Variants in NUP133 observed in about 807,000 individuals in gnomAD.
NUP133 encodes nucleoporin 133.
In NUP133, 66 loss-of-function variants were observed where a neutral mutation model predicts 146.2. The observed-to-expected ratio is 0.45, with a 90% CI of 0.37 to 0.55. NUP133 has a LOEUF of 0.55. Among genes scored for constraint, NUP133 ranks in the 20% least tolerant of loss-of-function variants. NUP133 has a pLI of 0.00. For missense variants in NUP133, 1,277 were observed against 1,374.8 expected, an observed-to-expected ratio of 0.93 and a Z score of 1.12; for synonymous variants, 521 against 498.8, an observed-to-expected ratio of 1.04 and a Z score of -0.59.
chr1:229,482,878 A>AG (rs1661251772), intron 12 of NUP133, among the ~76,000 whole-genome samples: 1 of 152,214 alleles, frequency 6.6e-6, no homozygotes, highest in Non-Finnish European at 1.5e-5. Flanking sequence ...ACATCACAGG[A>AG]ATAGAGAGCG....
intron 2 of NUP133, among the ~76,000 whole-genome samples, chr1:229,504,291 A>T (rs1661880138): frequency 1.3e-5 from 2 of 152,206 alleles, no homozygotes. Context: ...TTCTTTTTTT[A>T]AATGCTGGTC....
At chr1:229,487,214 T>G (rs1432021283) in intron 10 of NUP133, among the ~76,000 whole-genome samples, 1 of 152,158 alleles carries the variant, frequency 6.6e-6, no homozygotes, top group Non-Finnish European at 1.5e-5. Flanking sequence ...TTGGCAATAG[T>G]TTTTTGCTTC....
At position 229,472,729 on chromosome 1, in the gene NUP133, T is replaced by TATATATATATATATATATATATAC. The variant is rs1558097685; in HGVS notation, c.1852-1926_1852-1925insGTATATATATATATATATATATAT. 5.1e-4 allele frequency among the ~76,000 whole-genome samples: 75 copies of TATATATATATATATATATATATAC among 147,858 alleles called. 2 individuals carry two copies. The highest frequency in any genetic ancestry group is 3.6e-3 in the Middle Eastern group (1 of 278). ...ATACATATATATATATATATATATG[T>TATATATATATATATATATATATAC]ACAATCATTCTAGTCACACAGTGAA... is the stretch of plus-strand genomic sequence containing the variant. On this transcript the variant is annotated intron_variant, in intron 14 of 25. Coordinates refer to ENST00000261396, the MANE Select transcript of NUP133 (RefSeq NM_018230.3).
At chr1:229,469,002 T>A (rs1017484705) in intron 15 of NUP133, among the ~76,000 whole-genome samples, 12 of 152,296 alleles carry the variant, frequency 7.9e-5, no homozygotes, top group Admixed American at 7.2e-4. Flanking sequence ...TTATAGTACA[T>A]CAAACTTAGG....
At chr1:229,476,024 C>T (rs1244878804) in intron 13 of NUP133, among the ~76,000 whole-genome samples, 3 of 151,842 alleles carry the variant, frequency 2.0e-5, no homozygotes, top group Non-Finnish European at 4.4e-5. Flanking sequence ...AAGAGAATTG[C>T]TTGAACCCGG....
chr1:229,475,972 G>A lies in NUP133; in HGVS notation c.1757-240C>T, dbSNP rs145754057. On this transcript the variant is annotated intron_variant, in intron 13 of 25. Transcript: ENST00000261396. The stretch of plus-strand genomic sequence containing the variant: ...AAAATACAAAAATTAGCTGAGCGTG[G>A]TGGCGCATGCCTGTAGTCCCAGCTA... 9.2e-3 allele frequency among the ~76,000 whole-genome samples: 1,405 copies of A among 152,216 alleles called. 12 individuals are homozygous for A. The highest frequency in any genetic ancestry group is 0.013 in the Non-Finnish European group (893 of 68,014).
intron 15 of NUP133, among the ~76,000 whole-genome samples, chr1:229,468,766 G>A (rs539461572): frequency 1.3e-5 from 2 of 152,096 alleles, no homozygotes; most frequent in Non-Finnish European, 2.9e-5. Context: ...AATTATATAT[G>A]AATAAAGACC....
chr1:229,502,437 T>C (rs1405227945), intron 2 of NUP133, among the ~76,000 whole-genome samples: 1 of 151,524 alleles, frequency 6.6e-6, no homozygotes, highest in Non-Finnish European at 1.5e-5. Flanking sequence ...CACGTGCCTG[T>C]AGTCCCAGCT....
intron 23 of NUP133, 55 bp from the exon 24 acceptor site, chr1:229,449,245 A>C (rs1466447932): frequency 6.9e-6 from 8 of 1,152,260 alleles, no homozygotes; most frequent in Non-Finnish European, 1.0e-5. Flanking sequence ...AAAGAAATAC[A>C]TGCCTAAATT....
chr1:229,442,669 T>C (rs895239452), intron 25 of NUP133, among the ~76,000 whole-genome samples: 12 of 150,582 alleles, frequency 8.0e-5, no homozygotes, highest in African/African-American at 2.9e-4. Context: ...AATCAGATAC[T>C]GGTTTAAAAA....
chr1:229,461,819 G>T (rs1303706599), intron 19 of NUP133, among the ~76,000 whole-genome samples: 3 of 149,876 alleles, frequency 2.0e-5, no homozygotes, highest in East Asian at 3.9e-4. Flanking sequence ...TTAAAATCAT[G>T]ATCAGTGCAA....
intron 12 of NUP133, among the ~76,000 whole-genome samples, chr1:229,482,659 T>C (rs778707962): frequency 1.6e-4 from 24 of 152,194 alleles, no homozygotes; most frequent in Non-Finnish European, 3.4e-4. Context: ...GAGCAGCAAG[T>C]GTGACCAAGT....
At chr1:229,492,172 T>C (rs1661539625) in intron 8 of NUP133, among the ~76,000 whole-genome samples, 1 of 151,768 alleles carries the variant, frequency 6.6e-6, no homozygotes, top group South Asian at 2.1e-4. Flanking sequence ...CGGGGCGTGA[T>C]CTCGGCTCAC....
At chr1:229,474,113 A>T (rs80152545) in intron 14 of NUP133, among the ~76,000 whole-genome samples, 4,445 of 152,282 alleles carry the variant, frequency 0.029, 212 homozygotes, top group African/African-American at 0.1. Flanking sequence ...CCAGAGCAGG[A>T]TGAGCGACTA....
At chr1:229,498,095 C>G (rs1160147402) in intron 6 of NUP133, 41 bp downstream of exon 6, 1 of 1,409,626 alleles carries the variant, frequency 7.1e-7, no homozygotes, top group African/African-American at 1.5e-5. Flanking sequence ...ATTGATTTAA[C>G]TAAGAAATAA....
At position 229,500,881 on chromosome 1, in the gene NUP133, A is replaced by G. The variant is rs750065248; in HGVS notation, c.406-18T>C. 1 of 1,522,226 alleles carries G rather than the reference A, an allele frequency of 6.6e-7. No homozygotes were observed. Among genetic ancestry groups the G allele is most frequent in the Non-Finnish European group, 9.1e-7 (1 of 1,104,622 alleles). 94.3% of individuals were successfully genotyped at this position (1,522,226 alleles called of 1,614,324 possible). Reference sequence around the variant, plus strand: ...ACGGATAACTGTAGAACAAACCCAAACAGAAAATCTTTCACATCAAATCCA... The same window carrying G: ...ACGGATAACTGTAGAACAAACCCAAGCAGAAAATCTTTCACATCAAATCCA... On this transcript the variant is annotated intron_variant, in intron 3 of 25. Transcript: ENST00000261396.
chr1:229,461,732 A>G (rs1558093126), intron 19 of NUP133, among the ~76,000 whole-genome samples: 1 of 152,258 alleles, frequency 6.6e-6, no homozygotes, highest in Non-Finnish European at 1.5e-5. Flanking sequence ...GGACTTTAAA[A>G]TAACATTTAA....
At chr1:229,460,490 T>C in intron 20 of NUP133, 121 bp downstream of exon 20, 1 of 952,780 alleles carries the variant, frequency 1.0e-6, no homozygotes, top group Non-Finnish European at 1.5e-6. Flanking sequence ...TTATATATTT[T>C]GGATAGTAAC....
intron 14 of NUP133, among the ~76,000 whole-genome samples, chr1:229,474,076 G>C (rs1571922152): frequency 1.3e-5 from 2 of 152,236 alleles, no homozygotes; most frequent in Admixed American, 1.3e-4. Context: ...ATGTTCATCT[G>C]TTAAGACCAC....
Sources: allele counts gnomAD v4.1 joint callset (sites outside exome capture counted in the v4.1 genomes callset), GRCh38; gene constraint gnomAD v4.1.1; transcripts MANE v1.5; gene names NCBI Gene and HGNC (gene_info 2026-07-23, HGNC 2026-07-21).